The following ME1 variants were observed in gnomAD, a reference collection of about 807,000 sequenced individuals.
ME1 encodes the protein NADP-dependent malic enzyme.
ME1 carries 74 observed loss-of-function variants against 66.4 expected under a neutral mutation model. The ratio of observed to expected loss-of-function variants is 1.11; its 90% CI spans 0.92 to 1.35. The LOEUF is 1.35. Ranked by LOEUF, ME1 falls within the 40% of genes most tolerant of loss-of-function variation. The probability of loss-of-function intolerance (pLI) is 0.00; values close to 1 mark genes in which losing one functional copy is unlikely to be tolerated. For synonymous variants in ME1, 251 were observed against 235.6 expected (o/e 1.07, Z -0.60); for missense variants, 750 against 694.1 (o/e 1.08, Z -0.90).
chr6:83,319,769 C>T (rs142912813), intron 5 of ME1, among the ~76,000 whole-genome samples: 6 of 152,274 alleles, frequency 3.9e-5, no homozygotes, highest in Non-Finnish European at 5.9e-5. Flanking sequence ...CCTTCTCTTC[C>T]CCATGTAGGT....
intron 3 of ME1, among the ~76,000 whole-genome samples, chr6:83,388,278 G>T (rs145669122): frequency 0.02 from 3,003 of 152,042 alleles, 51 homozygotes; most frequent in Middle Eastern, 0.054. Context: ...TAAAGACGGG[G>T]TTTCACCATG....
At chr6:83,425,575 A>C (rs1583430126) in intron 1 of ME1, among the ~76,000 whole-genome samples, 1 of 152,244 alleles carries the variant, frequency 6.6e-6, no homozygotes, top group East Asian at 1.9e-4. Context: ...ACTCACTACC[A>C]GGAGAACAGC....
At chr6:83,224,342 AT>A (rs1234000709) in intron 11 of ME1, among the ~76,000 whole-genome samples, 2 of 152,294 alleles carry the variant, frequency 1.3e-5, no homozygotes, top group Admixed American at 6.5e-5. Context: ...GAATCGACAC[AT>A]TTCCAAAATA....
Position 83,430,899 on chromosome 6 carries a change from G to C in ME1, c.56C>G (p.Thr19Arg), listed in dbSNP as rs1310263050. The change falls in exon 1 of 14, where the codon ACA becomes AGA. Residue 19 changes from threonine (T) to arginine (R), a missense_variant. Coordinates refer to ENST00000369705, the MANE Select transcript of ME1 (RefSeq NM_002395.6). ...RHTHQRGYLL[T>R]RNPHLNKDLA... ...TACCTTGTTGAGGTGAGGGTTCCGT[G>C]TCAGCAGGTAGCCGCGCTGATGGGT... is the stretch of plus-strand genomic sequence containing the variant. The C allele has an allele frequency of 6.2e-7, 1 of 1,603,342 alleles. No individual in the cohort carries two copies.
rs551522407 is a variant in ME1, at chr6:83,293,703, T to A, written c.704+21607A>T. Reference sequence around the variant, plus strand: ...GTGAAATGAAGTAAGCGAAAGGAGCTGTCATAATGTATCTGCTTCTGACTC... The same window carrying A: ...GTGAAATGAAGTAAGCGAAAGGAGCAGTCATAATGTATCTGCTTCTGACTC... On this transcript the variant is annotated intron_variant, in intron 6 of 13. Transcript: ENST00000369705. Among the ~76,000 whole-genome samples the A allele has an allele frequency of 4.6e-5, 7 of 152,320 alleles. No homozygotes were observed. The South Asian group carries it at 1.4e-3, about 32-fold the overall frequency.
intron 6 of ME1, among the ~76,000 whole-genome samples, chr6:83,268,442 C>G (rs1405370045): frequency 6.6e-6 from 1 of 152,096 alleles, no homozygotes; most frequent in Non-Finnish European, 1.5e-5. Flanking sequence ...TATCTTATGT[C>G]TCACCTTTAT....
chr6:83,413,632 G>C (rs1034792549), intron 1 of ME1, among the ~76,000 whole-genome samples: 1 of 151,752 alleles, frequency 6.6e-6, no homozygotes, highest in African/African-American at 2.4e-5. Flanking sequence ...TGTTTTAAGT[G>C]TCATATTTTC....
Position 83,308,746 on chromosome 6 carries a change from T to C in ME1, c.704+6564A>G, listed in dbSNP as rs114681281. On this transcript the variant is annotated intron_variant, in intron 6 of 13. Coordinates refer to ENST00000369705, the MANE Select transcript of ME1 (RefSeq NM_002395.6). ...GGAAAAAGAAAACTCCCTGCTTTCA[T>C]AGAACTTAACAGTATATGAATAGAG... Among the ~76,000 whole-genome samples, 1,266 of 151,408 alleles carry C rather than the reference T, an allele frequency of 8.4e-3. 14 individuals are homozygous for C. The highest frequency in any genetic ancestry group is 0.029 in the African/African-American group (1,186 of 41,230).
At chr6:83,333,500 C>T (rs898134318) in intron 5 of ME1, among the ~76,000 whole-genome samples, 1 of 152,054 alleles carries the variant, frequency 6.6e-6, no homozygotes, top group African/African-American at 2.4e-5. Context: ...TGAGTAGCAA[C>T]TCAGTTGATT....
intron 6 of ME1, among the ~76,000 whole-genome samples, chr6:83,313,893 T>G (rs1467169068): frequency 5.3e-5 from 8 of 152,168 alleles, no homozygotes; most frequent in Non-Finnish European, 1.2e-4. Context: ...CATTAAAACC[T>G]TGAGTAATGA....
chr6:83,312,427 A>T (rs1430736261), intron 6 of ME1, among the ~76,000 whole-genome samples: 1 of 152,184 alleles, frequency 6.6e-6, no homozygotes, highest in African/African-American at 2.4e-5. Flanking sequence ...CAAGACCCAT[A>T]TCAAATCCTC....
intron 9 of ME1, among the ~76,000 whole-genome samples, chr6:83,233,681 T>G (rs976172534): frequency 6.6e-6 from 1 of 151,876 alleles, no homozygotes; most frequent in African/African-American, 2.4e-5. Flanking sequence ...TAAAACTTTA[T>G]GGTATTTTTA....
chr6:83,250,331 A>G (rs997889692), intron 7 of ME1, among the ~76,000 whole-genome samples: 52 of 151,928 alleles, frequency 3.4e-4, no homozygotes, highest in African/African-American at 1.2e-3. Flanking sequence ...CTTCTGATCT[A>G]TTGTTTCAAA....
intron 8 of ME1, 134 bp from the exon 9 acceptor site, chr6:83,237,964 T>C: frequency 2.1e-6 from 1 of 487,300 alleles, no homozygotes; most frequent in African/African-American, 2.0e-5. Flanking sequence ...AAATAACAAT[T>C]ATTTACCCTT....
chr6:83,252,102 T>TA (rs1206972968), intron 7 of ME1, among the ~76,000 whole-genome samples: 2 of 152,176 alleles, frequency 1.3e-5, no homozygotes, highest in African/African-American at 4.8e-5. Context: ...GGTTTAGTGA[T>TA]AGACTGTATT....
At chr6:83,307,026 C>T (rs749924019) in intron 6 of ME1, among the ~76,000 whole-genome samples, 1 of 152,008 alleles carries the variant, frequency 6.6e-6, no homozygotes, top group Non-Finnish European at 1.5e-5. Flanking sequence ...AAACAGTAAA[C>T]TTGACTTGCT....
intron 3 of ME1, among the ~76,000 whole-genome samples, chr6:83,375,512 C>T (rs1171532135): frequency 6.6e-6 from 1 of 152,118 alleles, no homozygotes; most frequent in Non-Finnish European, 1.5e-5. Context: ...TTGGGGTTTT[C>T]TAGATATAGG....
intron 6 of ME1, among the ~76,000 whole-genome samples, chr6:83,285,927 C>T (rs1243248846): frequency 5.3e-5 from 8 of 152,094 alleles, no homozygotes; most frequent in Non-Finnish European, 1.2e-4. Flanking sequence ...TGTTCGGATA[C>T]GGCTTATCTT....
intron 3 of ME1, among the ~76,000 whole-genome samples, chr6:83,397,194 T>C (rs1363485180): frequency 6.6e-6 from 1 of 152,132 alleles, no homozygotes; most frequent in African/African-American, 2.4e-5. Context: ...AGAGACAACC[T>C]ATGGAATAGG....
Sources: allele counts gnomAD v4.1 joint callset (sites outside exome capture counted in the v4.1 genomes callset), GRCh38; gene constraint gnomAD v4.1.1; transcripts MANE v1.5; gene names NCBI Gene and HGNC (gene_info 2026-07-23, HGNC 2026-07-21).